Variants in LDAH observed in about 807,000 individuals in gnomAD.
LDAH encodes the protein lipid droplet-associated hydrolase.
Under a neutral mutation model 29.6 loss-of-function variants are expected in LDAH, and 26 were observed. That is an observed-to-expected ratio of 0.88 (90% CI 0.64 to 1.22). The LOEUF is 1.22. LDAH is among the 50% of genes most tolerant of loss of function. The probability of loss-of-function intolerance (pLI) is 0.00; values close to 1 mark genes in which losing one functional copy is unlikely to be tolerated. For synonymous variants in LDAH, 117 were observed against 133.0 expected (o/e 0.88, Z 0.83); for missense variants, 344 against 387.3 (o/e 0.89, Z 0.94).
At chr2:20,738,426 C>T (rs1666955560) in intron 5 of LDAH, among the ~76,000 whole-genome samples, 2 of 151,538 alleles carry the variant, frequency 1.3e-5, no homozygotes, top group Middle Eastern at 3.4e-3. Flanking sequence ...TCAGGAATAT[C>T]CTACTTTGTC....
At chr2:20,751,164 A>C (rs1486291328) in intron 4 of LDAH, among the ~76,000 whole-genome samples, 1 of 152,238 alleles carries the variant, frequency 6.6e-6, no homozygotes, top group Non-Finnish European at 1.5e-5. Context: ...TTTTTTTAAA[A>C]GCAGTCTGAT....
At chr2:20,687,972 C>G (rs1363960101) in intron 6 of LDAH, among the ~76,000 whole-genome samples, 1 of 152,370 alleles carries the variant, frequency 6.6e-6, no homozygotes, top group Non-Finnish European at 1.5e-5. Flanking sequence ...TAGCTCCAGC[C>G]CCTAGTTGGC....
At chr2:20,735,889 C>T (rs1666738739) in intron 5 of LDAH, among the ~76,000 whole-genome samples, 1 of 152,060 alleles carries the variant, frequency 6.6e-6, no homozygotes, top group Admixed American at 6.6e-5. Context: ...TGGTGAGTCC[C>T]TTGCTACTTC....
chr2:20,805,498 G>C lies in LDAH; in HGVS notation c.-2-4033C>G, dbSNP rs114254739. 7.1e-3 allele frequency among the ~76,000 whole-genome samples: 1,074 copies of C among 152,298 alleles called. 13 individuals carry two copies. The highest frequency in any genetic ancestry group is 0.025 in the African/African-American group (1,024 of 41,572). ...AGTTCAGTTCTGCAAATAACTGTCA[G>C]ATTAACAAAGGAGAGTACGTTGTAA... On this transcript the variant is annotated intron_variant, in intron 1 of 6. Transcript: ENST00000237822.
intron 5 of LDAH, among the ~76,000 whole-genome samples, chr2:20,726,873 T>C (rs1046839577): frequency 3.9e-5 from 6 of 152,204 alleles, no homozygotes; most frequent in African/African-American, 1.4e-4. Flanking sequence ...CTTTTTAGAC[T>C]GGCGTTAATT....
intron 6 of LDAH, among the ~76,000 whole-genome samples, chr2:20,701,035 A>T (rs1663894195): frequency 6.6e-6 from 1 of 152,028 alleles, no homozygotes; most frequent in Admixed American, 6.6e-5. Flanking sequence ...ACTAAACCCT[A>T]CTCTTATAGT....
chr2:20,716,497 T>A (rs1665197940), intron 5 of LDAH, among the ~76,000 whole-genome samples: 1 of 150,208 alleles, frequency 6.7e-6, no homozygotes, highest in South Asian at 2.1e-4. Flanking sequence ...AAACACCACA[T>A]GTTCTCACTC....
chr2:20,808,889 G>A (rs1672274997), intron 1 of LDAH, among the ~76,000 whole-genome samples: 1 of 152,152 alleles, frequency 6.6e-6, no homozygotes, highest in Non-Finnish European at 1.5e-5. Flanking sequence ...TCAAATAAAT[G>A]ATGCTGGTTC....
intron 4 of LDAH, among the ~76,000 whole-genome samples, chr2:20,758,546 A>T (rs1369275028): frequency 6.6e-6 from 1 of 152,230 alleles, no homozygotes; most frequent in Non-Finnish European, 1.5e-5. Flanking sequence ...TCTAGTTAAA[A>T]GGAAAGCTGA....
chr2:20,757,201 A>T (rs977234151), intron 4 of LDAH, among the ~76,000 whole-genome samples: 13 of 152,252 alleles, frequency 8.5e-5, no homozygotes, highest in Non-Finnish European at 1.3e-4. Context: ...CTGATTTGCA[A>T]GCAGTAGCTA....
intron 2 of LDAH, among the ~76,000 whole-genome samples, chr2:20,799,686 C>A (rs1346255947): frequency 3.3e-5 from 5 of 152,106 alleles, no homozygotes; most frequent in African/African-American, 9.7e-5. Flanking sequence ...AGCCCTGCAC[C>A]CTTCCCAGCC....
At chr2:20,704,707 T>C (rs1333631030) in intron 5 of LDAH, among the ~76,000 whole-genome samples, 1 of 152,202 alleles carries the variant, frequency 6.6e-6, no homozygotes, top group Non-Finnish European at 1.5e-5. Flanking sequence ...TCCTCTCACT[T>C]CCCTGCCTCC....
chr2:20,742,891 C>CT (rs904534423), intron 4 of LDAH, among the ~76,000 whole-genome samples: 23 of 149,192 alleles, frequency 1.5e-4, no homozygotes, highest in African/African-American at 5.4e-4. Flanking sequence ...TTCTGAGTAG[C>CT]TGGGGCTACA....
intron 4 of LDAH, among the ~76,000 whole-genome samples, chr2:20,760,165 T>C (rs1444482311): frequency 2.6e-5 from 4 of 152,034 alleles, no homozygotes; most frequent in African/African-American, 9.7e-5. Flanking sequence ...ACCAAAAGTC[T>C]AGGTAATTGA....
intron 5 of LDAH, among the ~76,000 whole-genome samples, chr2:20,703,366 C>G (rs1284871822): frequency 6.6e-6 from 1 of 152,150 alleles, no homozygotes; most frequent in Non-Finnish European, 1.5e-5. Context: ...TTACGATCAT[C>G]TTGTCATTTC....
chr2:20,753,195 T>A (rs969650924), intron 4 of LDAH, among the ~76,000 whole-genome samples: 2 of 152,264 alleles, frequency 1.3e-5, no homozygotes, highest in African/African-American at 4.8e-5. Context: ...CTCTGAGACA[T>A]GTATAAATTA....
chr2:20,795,099 A>G (rs1301639286), intron 2 of LDAH, among the ~76,000 whole-genome samples: 2 of 152,248 alleles, frequency 1.3e-5, no homozygotes, highest in Non-Finnish European at 2.9e-5. Context: ...ACATGCAAGT[A>G]AAATATTTAA....
intron 3 of LDAH, among the ~76,000 whole-genome samples, chr2:20,782,073 T>C (rs115918116): frequency 0.016 from 2,494 of 152,318 alleles, 62 homozygotes; most frequent in African/African-American, 0.057. Flanking sequence ...TCAGTGTTTA[T>C]TGTGAACATC....
intron 5 of LDAH, among the ~76,000 whole-genome samples, chr2:20,726,062 A>G (rs1480181992): frequency 6.6e-6 from 1 of 152,200 alleles, no homozygotes; most frequent in African/African-American, 2.4e-5. Context: ...TCTGTTATCT[A>G]TAGTCAAACT....
Sources: gnomAD v4.1 joint callset for allele counts (sites outside exome capture counted in the v4.1 genomes callset) on GRCh38, gnomAD v4.1.1 for gene constraint, MANE v1.5 for transcripts, NCBI Gene and HGNC (gene_info 2026-07-23, HGNC 2026-07-21) for gene names.